PTPN18: variants seen among roughly 807,000 people sequenced by gnomAD.
The protein encoded by PTPN18 is protein tyrosine phosphatase non-receptor type 18, also known as tyrosine-protein phosphatase non-receptor type 18.
Under a neutral mutation model 65.4 loss-of-function variants are expected in PTPN18, and 65 were observed. The ratio of observed to expected loss-of-function variants is 0.99; its 90% CI spans 0.81 to 1.22. The LOEUF is 1.22. PTPN18 is among the 50% of genes most tolerant of loss of function. The pLI is 0.00. For missense variants in PTPN18, 616 were observed against 646.5 expected (o/e 0.95, Z 0.51); for synonymous variants, 255 against 267.8 (o/e 0.95, Z 0.47).
intron 5 of PTPN18, among the ~76,000 whole-genome samples, chr2:130,364,775 G>A (rs1335674921): frequency 1.3e-5 from 2 of 152,212 alleles, no homozygotes; most frequent in Non-Finnish European, 2.9e-5. Flanking sequence ...CAGCCTGGGC[G>A]ACAGAGCGAG....
intron 5 of PTPN18, among the ~76,000 whole-genome samples, chr2:130,368,113 T>A (rs193077654): frequency 6.6e-6 from 1 of 152,348 alleles, no homozygotes; most frequent in East Asian, 1.9e-4. Flanking sequence ...CCACTCTGCA[T>A]CATGTTCATG....
At chr2:130,359,066 C>T in intron 2 of PTPN18, 91 bp downstream of exon 2, 1 of 1,482,480 alleles carries the variant, frequency 6.7e-7, no homozygotes, top group Non-Finnish European at 9.3e-7. Flanking sequence ...CCACTGTGCT[C>T]TCCTCCCAGA....
intron 5 of PTPN18, among the ~76,000 whole-genome samples, chr2:130,360,827 C>A (rs1680169101): frequency 6.7e-6 from 1 of 150,274 alleles, no homozygotes; most frequent in Admixed American, 6.6e-5. Flanking sequence ...TTGATTTTTT[C>A]ATTTTCCACT....
At chr2:130,372,235 T>C (rs760718656) in intron 12 of PTPN18, 22 bp from the exon 13 acceptor site, 13 of 1,562,694 alleles carry the variant, frequency 8.3e-6, no homozygotes, top group Non-Finnish European at 1.1e-5. Flanking sequence ...TTTCACTTCC[T>C]CCCGGCCCTC....
chr2:130,363,839 C>T (rs2104938058), intron 5 of PTPN18, among the ~76,000 whole-genome samples: 2 of 152,066 alleles, frequency 1.3e-5, no homozygotes, highest in East Asian at 1.9e-4. Context: ...CTATTTTTAA[C>T]ATTTTGAGGA....
chr2:130,370,748 T>A lies in PTPN18; in HGVS notation c.800T>A (p.Met267Lys), dbSNP rs1365446389. The change falls in exon 10 of 15, where the codon ATG (methionine) becomes AAG (lysine). Residue 267 changes from methionine (M) to lysine (K), a missense_variant. Around this residue, in one of 3 missense-constraint regions of PTPN18, gnomAD observed 368 missense variants for 386.7 expected, o/e 0.95. Transcript: ENST00000175756. ...DFSLFDVVLK[M>K]RKQRPAAVQT... ...AGTCTCTTTGATGTGGTCCTTAAGA[T>A]GAGGAAGCAGCGGCCTGCGGCCGTG... 2.5e-5 allele frequency: 41 copies of A among 1,614,068 alleles called. 1 individual carries two copies. In the Admixed American group the frequency reaches 6.2e-4, roughly 24 times the overall value.
intron 1 of PTPN18, 90 bp from the exon 2 acceptor site, chr2:130,358,777 T>A (rs1436177133): frequency 3.9e-6 from 4 of 1,031,092 alleles, no homozygotes; most frequent in Non-Finnish European, 5.9e-6. Flanking sequence ...TGGCTTTGTA[T>A]CCTGCAAGCG....
chr2:130,370,496 G>GC (rs1384400108), intron 8 of PTPN18, 61 bp from the exon 9 acceptor site: 75 of 1,582,662 alleles, frequency 4.7e-5, no homozygotes, highest in Non-Finnish European at 6.4e-5. Context: ...ATCCCCAAAT[G>GC]CCCCATCTAA....
chr2:130,371,080 C>A (rs1680549541), intron 11 of PTPN18, 116 bp downstream of exon 11: 1 of 1,355,906 alleles, frequency 7.4e-7, no homozygotes, highest in Non-Finnish European at 1.0e-6. Flanking sequence ...ATGACATCCA[C>A]CTGTGCCCTC....
At chr2:130,363,454 AG>A in intron 5 of PTPN18, among the ~76,000 whole-genome samples, 1 of 152,212 alleles carries the variant, frequency 6.6e-6, no homozygotes, top group African/African-American at 2.4e-5. Flanking sequence ...TCAAAAAAAA[AG>A]AAAAAGAAAA....
At chr2:130,369,072 G>C in intron 5 of PTPN18, 61 bp from the exon 6 acceptor site, 1 of 1,448,698 alleles carries the variant, frequency 6.9e-7, no homozygotes, top group Non-Finnish European at 9.6e-7. Flanking sequence ...GCATGATTGA[G>C]CTAGCTCTGA....
rs190892481 is a variant in PTPN18, at chr2:130,372,061, G to T, written c.1014-196G>T. ...CCAAATTACCCTCCAGGCTGACCCC[G>T]TTCCTCCTTCATCCCCCTAACTTGC... is the stretch of plus-strand genomic sequence containing the variant. On this transcript the variant is annotated intron_variant, in intron 12 of 14. Transcript: ENST00000175756. The T allele has an allele frequency of 1.6e-3, 840 of 537,856 alleles. 13 individuals carry two copies. The East Asian group carries it at 0.027, about 17-fold the overall frequency. 33.3% of individuals were successfully genotyped at this position (537,856 alleles called of 1,614,324 possible).
At position 130,373,513 on chromosome 2, in the gene PTPN18, C is replaced by CATAACCACAGCCAAGCAGA; in HGVS notation, c.*289_*290insATAACCACAGCCAAGCAGA. The CATAACCACAGCCAAGCAGA allele has an allele frequency of 3.4e-6, 1 of 290,122 alleles. No homozygotes were observed. Among genetic ancestry groups the CATAACCACAGCCAAGCAGA allele is most frequent in the Non-Finnish European group, 6.4e-6 (1 of 155,474 alleles). The allele number at this position is 290,122 out of a possible 1,614,324, so 18.0% of individuals were successfully genotyped here. On this transcript the variant is annotated 3_prime_UTR_variant, in exon 15 of 15. Coordinates refer to ENST00000175756, the MANE Select transcript of PTPN18 (RefSeq NM_014369.4). The surrounding 1 kb of genome is among the most constrained non-coding windows in gnomAD (Gnocchi z 4.1). ...ATGAAGGGGAGAAGGGACAGATGAG[C>CATAACCACAGCCAAGCAGA]TTCCGGAGACTGCTCTCCTCACCAC...
chr2:130,360,668 G>A (rs1558841609), intron 5 of PTPN18, among the ~76,000 whole-genome samples: 1 of 152,154 alleles, frequency 6.6e-6, no homozygotes, highest in Non-Finnish European at 1.5e-5. Flanking sequence ...GTAGTTGCAA[G>A]TTGAATAAAT....
chr2:130,372,146 C>A, intron 12 of PTPN18, 111 bp from the exon 13 acceptor site: 1 of 1,066,184 alleles, frequency 9.4e-7, no homozygotes, highest in Non-Finnish European at 1.3e-6. Context: ...TCCCATCTAG[C>A]GCACCGCCTC....
rs1249713688 is a variant in PTPN18 at position 130,359,279 on chromosome 2, C to G, written c.249C>G (p.His83Gln). 2 of 1,614,206 alleles carry G rather than the reference C, an allele frequency of 1.2e-6. No homozygotes were observed. Among genetic ancestry groups the G allele is most frequent in the South Asian group, 2.2e-5 (2 of 91,090 alleles). ...TCTCCCTGCTCCAGGAAGAGGGACA[C>G]AGCGACTACATTAATGGCAACTTCA... ...VILSLLQEEG[H>Q]SDYINGNFIR... The change falls in exon 3 of 15, where the codon CAC (histidine) becomes CAG (glutamine). Residue 83 changes from histidine (H) to glutamine (Q), a missense_variant. By Grantham distance (24) the His-to-Gln change is conservative (BLOSUM62 0). Coordinates refer to ENST00000175756, the MANE Select transcript of PTPN18 (RefSeq NM_014369.4).
In PTPN18 at chr2:130,359,592, G is replaced by A; in HGVS notation, c.376-16G>A. 1 of 1,614,014 alleles carries A rather than the reference G, an allele frequency of 6.2e-7. No homozygotes were observed. ...CACCCAAATCACCTTCCTCTCCCCTGACCCTCCTTGTCTAGGTGATCCTGA... is the reference window on the plus strand; with the variant it reads ...CACCCAAATCACCTTCCTCTCCCCTAACCCTCCTTGTCTAGGTGATCCTGA... On this transcript the variant is annotated splice_polypyrimidine_tract_variant and intron_variant, in intron 4 of 14. Coordinates refer to ENST00000175756, the MANE Select transcript of PTPN18 (RefSeq NM_014369.4).
intron 6 of PTPN18, 121 bp from the exon 7 acceptor site, chr2:130,369,644 T>A (rs967535102): frequency 1.9e-5 from 21 of 1,096,944 alleles, no homozygotes; most frequent in Non-Finnish European, 1.3e-6. Flanking sequence ...ATATGAATTT[T>A]TAAAATGTTT....
intron 5 of PTPN18, among the ~76,000 whole-genome samples, chr2:130,365,290 A>G (rs1680344893): frequency 6.6e-6 from 1 of 152,222 alleles, no homozygotes; most frequent in Non-Finnish European, 1.5e-5. Context: ...ATTATGTGGC[A>G]TATGACAATG....
Sources: gnomAD v4.1 joint callset for allele counts (sites outside exome capture counted in the v4.1 genomes callset) on GRCh38, gnomAD v4.1.1 for gene constraint, gnomAD v4.1.1 regional missense constraint, Gnocchi (gnomAD v3.1) non-coding constraint, MANE v1.5 for transcripts, NCBI Gene and HGNC (gene_info 2026-07-23, HGNC 2026-07-21) for gene names.